TSNAXIP1: variants seen among roughly 807,000 people sequenced by gnomAD.
TSNAXIP1 encodes the protein translin-associated factor X-interacting protein 1.
TSNAXIP1 carries 89 observed loss-of-function variants against 84.8 expected under a neutral mutation model. The observed-to-expected ratio is 1.05, with a 90% CI of 0.88 to 1.25. TSNAXIP1 has a LOEUF of 1.25. Ranked by LOEUF, TSNAXIP1 falls within the 50% of genes most tolerant of loss-of-function variation. TSNAXIP1 has a pLI of 0.00. For missense variants in TSNAXIP1, 874 were observed against 887.6 expected, an observed-to-expected ratio of 0.98 and a Z score of 0.20; for synonymous variants, 347 against 335.2, an observed-to-expected ratio of 1.04 and a Z score of -0.39.
intron 6 of TSNAXIP1, 117 bp downstream of exon 6, chr16:67,824,896 C>G: frequency 1.6e-6 from 2 of 1,213,136 alleles, no homozygotes; most frequent in Non-Finnish European, 1.2e-6. Flanking sequence ...GAGCCACCAC[C>G]TTCCCCCAGA....
intron 1 of TSNAXIP1, among the ~76,000 whole-genome samples, chr16:67,811,390 G>A (rs1337281443): frequency 6.6e-6 from 1 of 150,604 alleles, no homozygotes; most frequent in Non-Finnish European, 1.5e-5. Flanking sequence ...TGCCTTTCCT[G>A]GTGCTTCCAG....
At chr16:67,813,726 C>T (rs1000468034) in intron 1 of TSNAXIP1, among the ~76,000 whole-genome samples, 1 of 100,444 alleles carries the variant, frequency 1.0e-5, no homozygotes, top group East Asian at 2.3e-4. Context: ...GGTAAGACTC[C>T]GTCTCAAAAA....
rs750771502 is a variant in TSNAXIP1, at chr16:67,827,882, G to A, written c.2028G>A (p.Glu676=). ...FQLPESEMPE[E]GDEKEEAVVE... ...TCCCTGAGTCGGAAATGCCAGAGGA[G>A]GGTGACGAGAAGGAAGAAGCCGTGG... The change falls in exon 16 of 16, where the codon GAG becomes GAA. Residue 676 remains glutamate (E), a synonymous_variant. Transcript: ENST00000561639. The A allele has an allele frequency of 4.3e-6, 7 of 1,614,120 alleles. No individual in the cohort carries two copies. The South Asian group carries it at 7.7e-5, about 18-fold the overall frequency.
At chr16:67,815,141 C>T (rs146660855) in intron 2 of TSNAXIP1, among the ~76,000 whole-genome samples, 97 of 151,944 alleles carry the variant, frequency 6.4e-4, no homozygotes, top group African/African-American at 2.2e-3. Context: ...CATGGCGAAA[C>T]CCCATATCTA....
At chr16:67,812,274 G>C (rs1325735491) in intron 1 of TSNAXIP1, among the ~76,000 whole-genome samples, 2 of 152,072 alleles carry the variant, frequency 1.3e-5, no homozygotes, top group Admixed American at 6.6e-5. Context: ...TAGGATGGCT[G>C]TTCTAAGAGG....
rs1258108840 is a variant in TSNAXIP1, at chr16:67,821,242, A to G, written c.387+17A>G. On this transcript the variant is annotated intron_variant, in intron 4 of 15. Coordinates refer to ENST00000561639, the MANE Select transcript of TSNAXIP1 (RefSeq NM_001288990.3). The stretch of plus-strand genomic sequence containing the variant: ...AGGCTGCAGGTCAGAGCCACAGAAG[A>G]AACTTGGGGAGGGCGGGGGAAGGGT... 2 of 1,595,436 alleles carry G rather than the reference A, an allele frequency of 1.3e-6. No homozygotes were observed. The highest frequency in any genetic ancestry group is 2.7e-5 in the African/African-American group (2 of 74,592).
intron 2 of TSNAXIP1, among the ~76,000 whole-genome samples, chr16:67,814,717 C>G (rs1173417555): frequency 6.6e-6 from 1 of 152,208 alleles, no homozygotes; most frequent in African/African-American, 2.4e-5. Context: ...CCTTACCTCT[C>G]ATCCCTCCCG....
intron 2 of TSNAXIP1, among the ~76,000 whole-genome samples, chr16:67,820,511 C>T (rs1212108145): frequency 3.3e-5 from 5 of 151,886 alleles, no homozygotes; most frequent in Non-Finnish European, 5.9e-5. Context: ...CTTTGGGAGG[C>T]CAAAGTGGGT....
At chr16:67,825,096 T>C (rs2151261253) in intron 6 of TSNAXIP1, 41 bp from the exon 7 acceptor site, 1 of 1,604,810 alleles carries the variant, frequency 6.2e-7, no homozygotes, top group Admixed American at 1.7e-5. Flanking sequence ...CATACAGGGG[T>C]CCAGGGGCAG....
At chr16:67,822,678 TTTGACTTAGTCA>T (rs1475406776) in intron 4 of TSNAXIP1, among the ~76,000 whole-genome samples, 2 of 152,152 alleles carry the variant, frequency 1.3e-5, no homozygotes, top group Non-Finnish European at 2.9e-5. Flanking sequence ...ATCCCTGCCT[TTTGACTTAGTCA>T]TTGACTAAAG....
chr16:67,812,988 T>C (rs1194914367), intron 1 of TSNAXIP1, among the ~76,000 whole-genome samples: 1 of 151,788 alleles, frequency 6.6e-6, no homozygotes, highest in Non-Finnish European at 1.5e-5. Context: ...TGGTGCAATC[T>C]CGGCTCACTG....
intron 1 of TSNAXIP1, among the ~76,000 whole-genome samples, chr16:67,809,239 G>A: frequency 6.8e-6 from 1 of 146,534 alleles, no homozygotes; most frequent in African/African-American, 2.5e-5. Context: ...GGAGGCCAAG[G>A]TGCGCGGATC....
Position 67,828,043 on chromosome 16 carries a change from A to C in TSNAXIP1, c.*50A>C, listed in dbSNP as rs2057607278. On this transcript the variant is annotated 3_prime_UTR_variant, in exon 16 of 16. Coordinates refer to ENST00000561639, the MANE Select transcript of TSNAXIP1 (RefSeq NM_001288990.3). Reference sequence around the variant, plus strand: ...CCAGTCCTGCTAACCCCTAGCTTTTAATATAAAAGTGTTTGTCTGAATCCA... The same window carrying C: ...CCAGTCCTGCTAACCCCTAGCTTTTCATATAAAAGTGTTTGTCTGAATCCA... The C allele has an allele frequency of 6.3e-7, 1 of 1,593,908 alleles. No individual in the cohort carries two copies. The highest frequency in any genetic ancestry group is 8.5e-7 in the Non-Finnish European group (1 of 1,170,294).
In TSNAXIP1 at chr16:67,825,631, C is replaced by T. The variant is rs763090404; in HGVS notation, c.815-36C>T. ...CTTCAGGCAACCCCTGAGAAAGCCA[C>T]GGTGACACGGGCTGGTGGGCCCCTT... On this transcript the variant is annotated intron_variant, in intron 7 of 15. Transcript: ENST00000561639. 17 of 1,584,582 alleles carry T rather than the reference C, an allele frequency of 1.1e-5. No individual in the cohort carries two copies. The East Asian group carries it at 1.6e-4, about 15-fold the overall frequency.
intron 2 of TSNAXIP1, among the ~76,000 whole-genome samples, chr16:67,819,824 T>TTTTATTTTTTTA (rs2056895077): frequency 7.1e-6 from 1 of 140,564 alleles, no homozygotes; most frequent in African/African-American, 2.7e-5. Context: ...AATTTTTTTT[T>TTTTATTTTTTTA]TTTTTTTTTT....
At chr16:67,822,564 G>C (rs1598077387) in intron 4 of TSNAXIP1, among the ~76,000 whole-genome samples, 1 of 141,546 alleles carries the variant, frequency 7.1e-6, no homozygotes, top group Admixed American at 6.9e-5. Flanking sequence ...GAGGGAGGGA[G>C]GAAGAGAGAG....
chr16:67,814,364 C>T lies in TSNAXIP1; in HGVS notation c.110C>T (p.Thr37Ile). 6.5e-7 allele frequency: 1 copy of T among 1,536,068 alleles called. No individual in the cohort carries two copies. Among genetic ancestry groups the T allele is most frequent in the Non-Finnish European group, 8.7e-7 (1 of 1,146,902 alleles). ...DESFLTEDKSTQNRKLLQKRR... is the reference protein window; with the variant it reads ...DESFLTEDKSIQNRKLLQKRR... Reference sequence around the variant, plus strand: ...TCCTTTCTCACAGAAGACAAGAGCACCCAGAATCGCAAGCTTCTTCAGAAA... The same window carrying T: ...TCCTTTCTCACAGAAGACAAGAGCATCCAGAATCGCAAGCTTCTTCAGAAA... The change falls in exon 2 of 16, where the codon ACC becomes ATC. Residue 37 changes from threonine (T) to isoleucine (I), a missense_variant. Transcript: ENST00000561639.
At chr16:67,819,378 G>A (rs1744553858) in intron 2 of TSNAXIP1, among the ~76,000 whole-genome samples, 1 of 151,314 alleles carries the variant, frequency 6.6e-6, no homozygotes, top group Admixed American at 6.6e-5. Context: ...CGAGTAACTG[G>A]GAATACAGGC....
chr16:67,810,625 AT>A (rs1340749792), intron 1 of TSNAXIP1, among the ~76,000 whole-genome samples: 1 of 152,174 alleles, frequency 6.6e-6, no homozygotes, highest in African/African-American at 2.4e-5. Flanking sequence ...TCTTAAAAAA[AT>A]AAAAATAAAA....
Sources: gnomAD v4.1 joint callset for allele counts (sites outside exome capture counted in the v4.1 genomes callset) on GRCh38, gnomAD v4.1.1 for gene constraint, MANE v1.5 for transcripts, NCBI Gene and HGNC (gene_info 2026-07-23, HGNC 2026-07-21) for gene names.